Variants in RAB11FIP4 observed in about 807,000 individuals in gnomAD.
The protein encoded by RAB11FIP4 is RAB11 family interacting protein 4.
In RAB11FIP4, 23 loss-of-function variants were observed where a neutral mutation model predicts 74.3. That is an observed-to-expected ratio of 0.31 (90% CI 0.22 to 0.44). The LOEUF is 0.44. RAB11FIP4 is among the 20% of genes least tolerant of loss of function. The pLI, the probability that RAB11FIP4 is intolerant of heterozygous loss-of-function variation, is 1.00. For missense variants in RAB11FIP4, 630 were observed against 863.9 expected (o/e 0.73, Z 3.39); for synonymous variants, 360 against 359.9 (o/e 1.00, Z 0.00).
chr17:31,429,828 C>CAAAAAAAAAAA (rs751342010), intron 1 of RAB11FIP4, among the ~76,000 whole-genome samples: 1 of 80,322 alleles, frequency 1.2e-5, no homozygotes, highest in Non-Finnish European at 2.4e-5. Context: ...GATTCCATCT[C>CAAAAAAAAAAA]AAAAAAAAAA....
At chr17:31,430,887 C>G (rs182528691) in intron 1 of RAB11FIP4, among the ~76,000 whole-genome samples, 77 of 152,120 alleles carry the variant, frequency 5.1e-4, no homozygotes, top group Middle Eastern at 3.4e-3. Flanking sequence ...GCTGAAGAAC[C>G]CTGCAGTGGC....
rs115873371 is a variant in RAB11FIP4 at position 31,409,877 on chromosome 17, G to A, written c.159+17866G>A. 5.7e-3 allele frequency among the ~76,000 whole-genome samples: 864 copies of A among 152,292 alleles called. 5 individuals carry two copies. Among genetic ancestry groups the A allele is most frequent in the African/African-American group, 0.02 (828 of 41,562 alleles). On this transcript the variant is annotated intron_variant, in intron 1 of 14. Coordinates refer to ENST00000621161, the MANE Select transcript of RAB11FIP4 (RefSeq NM_032932.6). The stretch of plus-strand genomic sequence containing the variant: ...CTGAGCCCTGCCCCCAAAATCTTGT[G>A]ATTTGGAAGCAAGTTCCTCTCTGCT...
intron 3 of RAB11FIP4, among the ~76,000 whole-genome samples, chr17:31,515,931 C>A (rs1447323634): frequency 6.6e-6 from 1 of 152,114 alleles, no homozygotes; most frequent in African/African-American, 2.4e-5. Flanking sequence ...TTATGCTGGG[C>A]CCCAGACCCA....
chr17:31,506,720 T>C (rs2072356948), intron 3 of RAB11FIP4, among the ~76,000 whole-genome samples: 2 of 152,226 alleles, frequency 1.3e-5, no homozygotes, highest in Non-Finnish European at 2.9e-5. Flanking sequence ...GATTTTATTC[T>C]TTTTTATGGC....
chr17:31,445,529 ATTTTATATATATATATATAT>A (rs1224977992), intron 3 of RAB11FIP4, among the ~76,000 whole-genome samples: 5 of 90,738 alleles, frequency 5.5e-5, no homozygotes, highest in African/African-American at 8.6e-5. Flanking sequence ...AATTTTCCCA[ATTTTATATATATATATATAT>A]ATATATATAT....
intron 3 of RAB11FIP4, among the ~76,000 whole-genome samples, chr17:31,461,238 C>G (rs2071631618): frequency 6.6e-6 from 1 of 152,170 alleles, no homozygotes. Context: ...AGCCCCTCCA[C>G]ACGCACAAGC....
chr17:31,435,787 C>T (rs760876815), intron 3 of RAB11FIP4, among the ~76,000 whole-genome samples: 1 of 152,194 alleles, frequency 6.6e-6, no homozygotes, highest in Non-Finnish European at 1.5e-5. Flanking sequence ...GTGGCAGAGA[C>T]CAAAGCCAGG....
At chr17:31,483,577 T>C (rs1342684078) in intron 3 of RAB11FIP4, among the ~76,000 whole-genome samples, 3 of 152,260 alleles carry the variant, frequency 2.0e-5, no homozygotes, top group Admixed American at 6.5e-5. Flanking sequence ...GTGGTTCCCC[T>C]GGAGCACATC....
intron 3 of RAB11FIP4, among the ~76,000 whole-genome samples, chr17:31,474,380 G>A (rs908599123): frequency 3.3e-5 from 5 of 152,170 alleles, no homozygotes; most frequent in Admixed American, 2.0e-4. Flanking sequence ...AGCTAAGAAA[G>A]GTTTAAAGGG....
At chr17:31,517,335 A>G (rs2072576676) in intron 3 of RAB11FIP4, among the ~76,000 whole-genome samples, 1 of 151,854 alleles carries the variant, frequency 6.6e-6, no homozygotes, top group Non-Finnish European at 1.5e-5. Context: ...TCCAGACCCT[A>G]TTCTGCCTCA....
chr17:31,515,587 T>A (rs1339580062), intron 3 of RAB11FIP4, among the ~76,000 whole-genome samples: 1 of 152,060 alleles, frequency 6.6e-6, no homozygotes, highest in Non-Finnish European at 1.5e-5. Flanking sequence ...GCTGAGCAGC[T>A]TCTTCAGCTG....
chr17:31,424,656 A>G (rs1238652757), intron 1 of RAB11FIP4, among the ~76,000 whole-genome samples: 1 of 145,232 alleles, frequency 6.9e-6, no homozygotes, highest in Non-Finnish European at 1.5e-5. Flanking sequence ...GCTCACTGCA[A>G]CCTCCGCCTC....
At chr17:31,492,547 C>T (rs1317564336) in intron 3 of RAB11FIP4, among the ~76,000 whole-genome samples, 1 of 152,126 alleles carries the variant, frequency 6.6e-6, no homozygotes, top group Non-Finnish European at 1.5e-5. Flanking sequence ...GTTCCAAGCA[C>T]CATGATCTGG....
intron 1 of RAB11FIP4, among the ~76,000 whole-genome samples, chr17:31,419,868 A>G (rs897727881): frequency 6.6e-6 from 1 of 151,898 alleles, no homozygotes; most frequent in African/African-American, 2.4e-5. Context: ...GTTTTCTTAT[A>G]TTGCTTTTGT....
intron 1 of RAB11FIP4, among the ~76,000 whole-genome samples, chr17:31,417,684 GT>G (rs2071161469): frequency 6.6e-6 from 1 of 152,246 alleles, no homozygotes; most frequent in African/African-American, 2.4e-5. Context: ...AGATTTGGGG[GT>G]TCCCATAGAC....
intron 3 of RAB11FIP4, among the ~76,000 whole-genome samples, chr17:31,461,204 G>A (rs2071631334): frequency 6.6e-6 from 1 of 152,132 alleles, no homozygotes. Flanking sequence ...CAGCAGAGGT[G>A]CAGGTGTGCA....
In RAB11FIP4 at chr17:31,487,514, G is replaced by C. The variant is rs12453227; in HGVS notation, c.337-30137G>C. ...TGCCGCTTGGTTCTTTGTGTTCCTG[G>C]GCTGGTTATGGAGATGGTTCCGACT... On this transcript the variant is annotated intron_variant, in intron 3 of 14. Coordinates refer to ENST00000621161, the MANE Select transcript of RAB11FIP4 (RefSeq NM_032932.6). Among the ~76,000 whole-genome samples the C allele has an allele frequency of 5.4e-3, 825 of 152,154 alleles. 20 individuals are homozygous for C. The highest frequency in any genetic ancestry group is 0.034 in the Admixed American group (525 of 15,284).
At chr17:31,393,282 C>T (rs1292249675) in intron 1 of RAB11FIP4, among the ~76,000 whole-genome samples, 1 of 152,268 alleles carries the variant, frequency 6.6e-6, no homozygotes, top group South Asian at 2.1e-4. Context: ...CACCATGACC[C>T]TTCTTCCCCA....
intron 3 of RAB11FIP4, among the ~76,000 whole-genome samples, chr17:31,505,549 TATA>T (rs1190161524): frequency 0.018 from 1,600 of 88,936 alleles, 75 homozygotes; most frequent in African/African-American, 0.075. Flanking sequence ...ATATATTATA[TATA>T]ATAATAATTA....
Sources: gnomAD v4.1 joint callset for allele counts (sites outside exome capture counted in the v4.1 genomes callset) on GRCh38, gnomAD v4.1.1 for gene constraint, MANE v1.5 for transcripts, NCBI Gene and HGNC (gene_info 2026-07-23, HGNC 2026-07-21) for gene names.